Variants in ERC2 observed in about 807,000 individuals in gnomAD.
ERC2 encodes the protein ELKS/RAB6-interacting/CAST family member 2.
A neutral mutation model predicts 114.8 loss-of-function variants in ERC2; 42 were observed. That is an observed-to-expected ratio of 0.37 (90% CI 0.29 to 0.47). The LOEUF is 0.47. ERC2 is among the 20% of genes least tolerant of loss of function. The probability of loss-of-function intolerance (pLI) is 0.99; values close to 1 mark genes in which losing one functional copy is unlikely to be tolerated. For synonymous variants in ERC2, 454 were observed against 425.5 expected, an observed-to-expected ratio of 1.07 and a Z score of -0.82; for missense variants, 939 against 1,150.7, an observed-to-expected ratio of 0.82 and a Z score of 2.66.
chr3:56,423,276 A>G (rs1175429925), intron 2 of ERC2, among the ~76,000 whole-genome samples: 1 of 152,260 alleles, frequency 6.6e-6, no homozygotes, highest in Non-Finnish European at 1.5e-5. Context: ...GCAAAGCATG[A>G]TATGCAAAAT....
At chr3:55,724,237 A>G (rs144088138) in intron 15 of ERC2, among the ~76,000 whole-genome samples, 1 of 152,288 alleles carries the variant, frequency 6.6e-6, no homozygotes, top group East Asian at 1.9e-4. Flanking sequence ...AGGAAGAGAT[A>G]AGTCGCCCTT....
chr3:55,599,354 T>C (rs2058295258), intron 17 of ERC2, among the ~76,000 whole-genome samples: 1 of 152,226 alleles, frequency 6.6e-6, no homozygotes, highest in African/African-American at 2.4e-5. Flanking sequence ...TGATACCTGA[T>C]GATCGACAGC....
chr3:55,631,558 G>C (rs567376107), intron 17 of ERC2, among the ~76,000 whole-genome samples: 68 of 152,316 alleles, frequency 4.5e-4, no homozygotes, highest in African/African-American at 1.5e-3. Context: ...CATCTTTACA[G>C]TGTACACTCA....
At chr3:56,054,799 A>G (rs2149693186) in intron 7 of ERC2, among the ~76,000 whole-genome samples, 1 of 152,324 alleles carries the variant, frequency 6.6e-6, no homozygotes, top group Non-Finnish European at 1.5e-5. Flanking sequence ...CAAGCAAGCA[A>G]GTTGGAGAAA....
intron 7 of ERC2, among the ~76,000 whole-genome samples, chr3:56,041,639 C>T (rs2075198230): frequency 6.6e-6 from 1 of 152,136 alleles, no homozygotes; most frequent in Non-Finnish European, 1.5e-5. Flanking sequence ...CTCTTTCATT[C>T]CTTCCCTCCA....
intron 2 of ERC2, among the ~76,000 whole-genome samples, chr3:56,297,684 A>G (rs1260516436): frequency 6.6e-6 from 1 of 152,236 alleles, no homozygotes. Context: ...TGGAATGAAC[A>G]CAGTGCTAAG....
intron 14 of ERC2, among the ~76,000 whole-genome samples, chr3:55,872,070 C>T (rs1338905953): frequency 6.6e-6 from 1 of 152,134 alleles, no homozygotes; most frequent in Non-Finnish European, 1.5e-5. Context: ...TGGCAATGAG[C>T]TGATAATCGC....
intron 17 of ERC2, among the ~76,000 whole-genome samples, chr3:55,607,294 G>A (rs1267259454): frequency 2.0e-5 from 3 of 152,174 alleles, no homozygotes; most frequent in Non-Finnish European, 2.9e-5. Context: ...GACTGGGGGT[G>A]AGTGGTCAGG....
At chr3:55,666,446 G>A (rs1378525289) in intron 17 of ERC2, among the ~76,000 whole-genome samples, 3 of 152,142 alleles carry the variant, frequency 2.0e-5, no homozygotes, top group Non-Finnish European at 4.4e-5. Flanking sequence ...TAGTGTCAAA[G>A]GTAACTTTCA....
intron 2 of ERC2, among the ~76,000 whole-genome samples, chr3:56,409,803 A>C (rs529161843): frequency 6.6e-6 from 1 of 152,364 alleles, no homozygotes; most frequent in East Asian, 1.9e-4. Flanking sequence ...AGAAGATTCC[A>C]GCCCTCTTAA....
chr3:55,881,000 ATTGAGT>A (rs1212888652), intron 14 of ERC2, among the ~76,000 whole-genome samples: 1 of 152,138 alleles, frequency 6.6e-6, no homozygotes, highest in East Asian at 1.9e-4. Context: ...CCTCTTGTTT[ATTGAGT>A]TTATCAATTT....
Position 55,751,276 on chromosome 3 carries a change from G to T in ERC2, c.2565-16358C>A, listed in dbSNP as rs143869726. Among the ~76,000 whole-genome samples the T allele has an allele frequency of 8.7e-4, 133 of 152,224 alleles. No individual in the cohort carries two copies. In the East Asian group the frequency reaches 0.024, roughly 28 times the overall value. On this transcript the variant is annotated intron_variant, in intron 14 of 17. Transcript: ENST00000288221. ...GTCTGTTTCCAATATGGTATCTTTA[G>T]GATATAAGTGGAGAATAATCTCTTT...
intron 17 of ERC2, among the ~76,000 whole-genome samples, chr3:55,676,336 C>T (rs2061809443): frequency 6.6e-6 from 1 of 152,014 alleles, no homozygotes; most frequent in South Asian, 2.1e-4. Flanking sequence ...GTCTCTCTGG[C>T]ACCTGCTAAC....
chr3:56,344,237 A>G (rs925400546), intron 2 of ERC2, among the ~76,000 whole-genome samples: 1 of 152,226 alleles, frequency 6.6e-6, no homozygotes, highest in Non-Finnish European at 1.5e-5. Flanking sequence ...CAGAATGTAT[A>G]ATAACCTAGG....
chr3:56,102,029 C>T (rs1357363522), intron 6 of ERC2, among the ~76,000 whole-genome samples: 1 of 152,212 alleles, frequency 6.6e-6, no homozygotes, highest in African/African-American at 2.4e-5. Context: ...CTTTCAATAA[C>T]AATTGTTACC....
chr3:55,599,016 G>T (rs1281600134), intron 17 of ERC2, among the ~76,000 whole-genome samples: 1 of 152,186 alleles, frequency 6.6e-6, no homozygotes, highest in Admixed American at 6.5e-5. Flanking sequence ...GCACAAGTAG[G>T]CTTCAAATTT....
chr3:56,130,342 T>G (rs1278787310), intron 6 of ERC2, among the ~76,000 whole-genome samples: 1 of 152,210 alleles, frequency 6.6e-6, no homozygotes, highest in Admixed American at 6.5e-5. Context: ...GACGAATTCA[T>G]GTACACCCAT....
chr3:55,995,482 T>C (rs2071435256), intron 10 of ERC2, among the ~76,000 whole-genome samples: 1 of 152,156 alleles, frequency 6.6e-6, no homozygotes, highest in Non-Finnish European at 1.5e-5. Flanking sequence ...GCCAGAATTG[T>C]TGGGAGAGCT....
chr3:56,186,402 C>T (rs112283843), intron 3 of ERC2, among the ~76,000 whole-genome samples: 24 of 152,206 alleles, frequency 1.6e-4, no homozygotes, highest in African/African-American at 5.1e-4. Context: ...CTTCCATACA[C>T]TGGCCTTTGT....
Sources: gnomAD v4.1 joint callset for allele counts (sites outside exome capture counted in the v4.1 genomes callset) on GRCh38, gnomAD v4.1.1 for gene constraint, MANE v1.5 for transcripts, NCBI Gene and HGNC (gene_info 2026-07-23, HGNC 2026-07-21) for gene names.